Variants in BMPR2 observed in about 807,000 individuals in gnomAD.
BMPR2 encodes the protein bone morphogenetic protein receptor type 2, also known as bone morphogenetic protein receptor type-2.
Under a neutral mutation model 100.8 loss-of-function variants are expected in BMPR2, and 29 were observed. The ratio of observed to expected loss-of-function variants is 0.29; its 90% CI spans 0.21 to 0.39. The LOEUF is 0.39. Ranked by LOEUF, BMPR2 falls within the 10% of genes least tolerant of loss-of-function variation. BMPR2 has a pLI of 1.00. For missense variants in BMPR2, 1,011 were observed against 1,274.5 expected (o/e 0.79, Z 3.15); for synonymous variants, 382 against 442.3 (o/e 0.86, Z 1.71).
chr2:202,529,514 C>T (rs1003459505), intron 7 of BMPR2, among the ~76,000 whole-genome samples: 10 of 152,160 alleles, frequency 6.6e-5, no homozygotes, highest in South Asian at 4.1e-4. Context: ...CAAGATTGTA[C>T]GACATATATT....
At chr2:202,430,862 G>T (rs1691488708) in intron 1 of BMPR2, among the ~76,000 whole-genome samples, 2 of 149,822 alleles carry the variant, frequency 1.3e-5, no homozygotes, top group East Asian at 1.9e-4. Context: ...AGGAGGCTGA[G>T]ACAGGAGAAT....
chr2:202,516,317 A>C (rs756103543), intron 5 of BMPR2, among the ~76,000 whole-genome samples: 2 of 152,218 alleles, frequency 1.3e-5, no homozygotes, highest in Non-Finnish European at 2.9e-5. Context: ...ACATTTCAAC[A>C]TATAAGGGAA....
intron 1 of BMPR2, among the ~76,000 whole-genome samples, chr2:202,391,419 C>A (rs1277212470): frequency 6.6e-6 from 1 of 151,840 alleles, no homozygotes; most frequent in African/African-American, 2.4e-5. Flanking sequence ...GATCCTCCCA[C>A]CTCAGCCTCC....
intron 3 of BMPR2, among the ~76,000 whole-genome samples, chr2:202,489,943 CAT>C (rs1692867442): frequency 2.0e-5 from 3 of 152,152 alleles, no homozygotes; most frequent in South Asian, 4.1e-4. Flanking sequence ...TTCTCATAAT[CAT>C]AGGTTTGTAG....
intron 7 of BMPR2, among the ~76,000 whole-genome samples, chr2:202,523,174 A>C (rs1574490399): frequency 2.6e-5 from 4 of 152,346 alleles, no homozygotes; most frequent in Admixed American, 2.6e-4. Context: ...AATCAAAACC[A>C]CAATGATATA....
chr2:202,411,420 A>G (rs1449119873), intron 1 of BMPR2, among the ~76,000 whole-genome samples: 1 of 152,236 alleles, frequency 6.6e-6, no homozygotes, highest in Non-Finnish European at 1.5e-5. Flanking sequence ...ACAAGGAAAA[A>G]GAGTGATTGC....
chr2:202,452,785 A>T (rs1425935584), intron 1 of BMPR2, among the ~76,000 whole-genome samples: 1 of 152,230 alleles, frequency 6.6e-6, no homozygotes, highest in African/African-American at 2.4e-5. Context: ...TTTAGCTTAT[A>T]CTTTAATGAA....
At position 202,560,052 on chromosome 2, in the gene BMPR2, CT is replaced by C; in HGVS notation, c.*107del. The C allele has an allele frequency of 7.3e-7, 1 of 1,371,146 alleles. No individual in the cohort carries two copies. Among genetic ancestry groups the C allele is most frequent in the Non-Finnish European group, 1.0e-6 (1 of 997,514 alleles). The allele number at this position is 1,371,146 out of a possible 1,614,324, so 84.9% of individuals were successfully genotyped here. Reference sequence around the variant, plus strand: ...TGCTTTATCCTCCTGTCAGCACCCCCTCCCACCCCTGCAACAAAGACTTGCT... The same window carrying C: ...TGCTTTATCCTCCTGTCAGCACCCCCCCCACCCCTGCAACAAAGACTTGCT... On this transcript the variant is annotated 3_prime_UTR_variant, in exon 13 of 13. Coordinates refer to ENST00000374580, the MANE Select transcript of BMPR2 (RefSeq NM_001204.7).
chr2:202,414,219 A>G (rs1691077075), intron 1 of BMPR2, among the ~76,000 whole-genome samples: 1 of 152,202 alleles, frequency 6.6e-6, no homozygotes, highest in Non-Finnish European at 1.5e-5. Flanking sequence ...ATTTGTGATC[A>G]GTGATCTTTG....
intron 7 of BMPR2, among the ~76,000 whole-genome samples, chr2:202,529,477 A>G (rs1467841318): frequency 1.3e-5 from 2 of 152,190 alleles, no homozygotes; most frequent in African/African-American, 4.8e-5. Flanking sequence ...CAATGTTTCC[A>G]TGAGTTTTCC....
intron 3 of BMPR2, among the ~76,000 whole-genome samples, chr2:202,486,136 C>G (rs572580428): frequency 6.6e-6 from 1 of 152,140 alleles, no homozygotes; most frequent in African/African-American, 2.4e-5. Context: ...CATCCCTTTC[C>G]CAGCAGGAGG....
chr2:202,502,371 CAAAG>C (rs1055783743), intron 3 of BMPR2, among the ~76,000 whole-genome samples: 10 of 150,476 alleles, frequency 6.6e-5, no homozygotes, highest in African/African-American at 1.7e-4. Flanking sequence ...GACAGGAAGT[CAAAG>C]AAAGAGACAG....
intron 1 of BMPR2, among the ~76,000 whole-genome samples, chr2:202,379,868 T>A (rs1238277553): frequency 6.6e-6 from 1 of 151,862 alleles, no homozygotes; most frequent in Non-Finnish European, 1.5e-5. Flanking sequence ...CTTTCTTTCT[T>A]TTTTGTTCAG....
chr2:202,561,584 A>G lies in BMPR2; in HGVS notation c.*1638A>G, dbSNP rs566041404. ...TTTCGATTATCAGAGTACTTAGTAA[A>G]TGTTATATAGTTTAGTTCTAAGATA... On this transcript the variant is annotated 3_prime_UTR_variant, in exon 13 of 13. Transcript: ENST00000374580. The G allele has an allele frequency of 3.5e-4, 53 of 152,182 alleles. No homozygotes were observed. The highest frequency in any genetic ancestry group is 1.1e-3 in the African/African-American group (45 of 41,538). 9.4% of individuals were successfully genotyped at this position (152,182 alleles called of 1,614,324 possible). A position where few individuals can be genotyped will look rare whatever the true frequency, so the allele number is the denominator to read the frequency against.
At chr2:202,526,285 C>T (rs996240021) in intron 7 of BMPR2, among the ~76,000 whole-genome samples, 1 of 152,172 alleles carries the variant, frequency 6.6e-6, no homozygotes, top group Non-Finnish European at 1.5e-5. Flanking sequence ...TACCCTCATC[C>T]CTTGCTACAT....
chr2:202,446,069 C>T (rs1020933420), intron 1 of BMPR2, among the ~76,000 whole-genome samples: 2 of 150,442 alleles, frequency 1.3e-5, no homozygotes, highest in African/African-American at 2.5e-5. Context: ...TCACTGCGCC[C>T]GGCCACAAAC....
At chr2:202,524,460 A>G (rs903804719) in intron 7 of BMPR2, among the ~76,000 whole-genome samples, 2 of 151,944 alleles carry the variant, frequency 1.3e-5, no homozygotes, top group Non-Finnish European at 2.9e-5. Flanking sequence ...CTATAAACCC[A>G]GATAACAAAC....
chr2:202,437,391 CTTTT>C (rs985415794), intron 1 of BMPR2, among the ~76,000 whole-genome samples: 1 of 150,698 alleles, frequency 6.6e-6, no homozygotes, highest in African/African-American at 2.5e-5. Flanking sequence ...TAAATTTTAA[CTTTT>C]TTTATGTTAT....
chr2:202,517,903 C>T (rs1194553106), intron 5 of BMPR2, among the ~76,000 whole-genome samples: 1 of 149,884 alleles, frequency 6.7e-6, no homozygotes, highest in Non-Finnish European at 1.5e-5. Flanking sequence ...AGCTCTGCCT[C>T]CCAGGTTCAC....
Sources: gnomAD v4.1 joint callset for allele counts (sites outside exome capture counted in the v4.1 genomes callset) on GRCh38, gnomAD v4.1.1 for gene constraint, MANE v1.5 for transcripts, NCBI Gene and HGNC (gene_info 2026-07-23, HGNC 2026-07-21) for gene names.